Variants in PNPLA6 observed in about 807,000 individuals in gnomAD.
The protein encoded by PNPLA6 is patatin like domain 6, lysophospholipase.
A neutral mutation model predicts 153.7 loss-of-function variants in PNPLA6; 105 were observed. That is an observed-to-expected ratio of 0.68 (90% CI 0.58 to 0.80). The LOEUF (loss-of-function observed/expected upper bound fraction) is 0.80, where lower values mean the gene tolerates loss of function less well. Among genes scored for constraint, PNPLA6 ranks in the 30% least tolerant of loss-of-function variants. The pLI is 0.00. For missense variants in PNPLA6, 1,423 were observed against 1,919.3 expected (o/e 0.74, Z 4.83); for synonymous variants, 825 against 822.2 (o/e 1.00, Z -0.06).
rs1286930437 is a variant in PNPLA6 at position 7,540,512 on chromosome 19, TTGG to T, written c.715-114_715-112del. On this transcript the variant is annotated intron_variant, in intron 5 of 31. Coordinates refer to ENST00000600737, the MANE Select transcript of PNPLA6 (RefSeq NM_001166114.2). The surrounding 1 kb of genome is among the most constrained non-coding windows in gnomAD (Gnocchi z 6.8). Reference sequence around the variant, plus strand: ...GGGAGATGCCTGCTCGTTGGAAGGGTTGGTGGGTTCCCCTGAGAAGGGATGAGA... The same window carrying T: ...GGGAGATGCCTGCTCGTTGGAAGGGTTGGGTTCCCCTGAGAAGGGATGAGA... 2 of 1,036,804 alleles carry T rather than the reference TTGG, an allele frequency of 1.9e-6. No individual in the cohort carries two copies. Among genetic ancestry groups the T allele is most frequent in the Non-Finnish European group, 3.0e-6 (2 of 663,786 alleles). 64.2% of individuals were successfully genotyped at this position (1,036,804 alleles called of 1,614,324 possible). A position where few individuals can be genotyped will look rare whatever the true frequency, so the allele number is the denominator to read the frequency against.
At chr19:7,560,879 C>T in intron 29 of PNPLA6, 115 bp downstream of exon 29, 4 of 850,324 alleles carry the variant, frequency 4.7e-6, no homozygotes, top group South Asian at 2.8e-5. Context: ...TTTTGCTGAG[C>T]TCTCAGACCT....
upstream of PNPLA6, chr19:7,535,617 G>A (rs1303081465): frequency 8.8e-6 from 14 of 1,588,298 alleles, no homozygotes; most frequent in African/African-American, 4.0e-5. The surrounding 1 kb of genome is among the most constrained non-coding windows in gnomAD (Gnocchi z 5.0). Context: ...GCCGGCGTGG[G>A]GCGCCAAGAG....
intron 28 of PNPLA6, 43 bp from the exon 29 acceptor site, chr19:7,560,605 A>C: frequency 3.0e-6 from 4 of 1,338,120 alleles, no homozygotes; most frequent in Non-Finnish European, 4.3e-6. Flanking sequence ...GGGACAAGCA[A>C]AGCAGGGTTG....
rs1397627535 is a variant in PNPLA6 at position 7,551,781 on chromosome 19, TGAGA to T, written c.2260+347_2260+350del. On this transcript the variant is annotated intron_variant, in intron 18 of 31. Transcript: ENST00000600737. ...CTGGGGAAGTCCACGGCCTGGACGT[TGAGA>T]GAAAGGGAGTCCTAGATCAGAATAT... Among the ~76,000 whole-genome samples, 3 of 152,146 alleles carry T rather than the reference TGAGA, an allele frequency of 2.0e-5. No individual in the cohort carries two copies. The East Asian group carries it at 5.8e-4, about 29-fold the overall frequency.
At position 7,561,119 on chromosome 19, in the gene PNPLA6, C is replaced by T. The variant is rs745997576; in HGVS notation, c.3913+9C>T. On this transcript the variant is annotated intron_variant, in intron 30 of 31. Transcript: ENST00000600737. Reference sequence around the variant, plus strand: ...TGATGGCTGTGCTGACGGTGAGGGGCCCAGGGGACCCCCCAAGAGGGAGGG... The same window carrying T: ...TGATGGCTGTGCTGACGGTGAGGGGTCCAGGGGACCCCCCAAGAGGGAGGG... The T allele has an allele frequency of 1.3e-6, 2 of 1,550,654 alleles. No individual in the cohort carries two copies. Among genetic ancestry groups the T allele is most frequent in the Admixed American group, 1.8e-5 (1 of 55,222 alleles).
chr19:7,557,783 C>CA lies in PNPLA6; in HGVS notation c.3397+514dup, dbSNP rs1555751198. 4.4e-3 allele frequency among the ~76,000 whole-genome samples: 487 copies of CA among 110,512 alleles called. 4 individuals are homozygous for CA. Among genetic ancestry groups the CA allele is most frequent in the East Asian group, 0.043 (174 of 4,072 alleles). 72.5% of individuals were successfully genotyped at this position (110,512 alleles called of 152,430 possible). On this transcript the variant is annotated intron_variant, in intron 27 of 31. Transcript: ENST00000600737. ...TGGGCGACAGAGCAAGACTCAGTCT[C>CA]AAAAAAAAAAAAAAAGAAAGAAAGA...
Position 7,541,876 on chromosome 19 carries a change from G to A in PNPLA6, c.1169-108G>A. On this transcript the variant is annotated intron_variant, in intron 9 of 31. Transcript: ENST00000600737. This position sits in a 1 kb window ranked among gnomAD's most constrained non-coding sequence, Gnocchi z 5.2. ...GTGGCCTCGTCCCCAAGGGCCCATT[G>A]GAATTGCTTTAACTAGTTAATCAGT... 8.7e-7 allele frequency: 1 copy of A among 1,154,286 alleles called. No homozygotes were observed. The highest frequency in any genetic ancestry group is 1.3e-6 in the Non-Finnish European group (1 of 777,704). 71.5% of individuals were successfully genotyped at this position (1,154,286 alleles called of 1,614,324 possible). A position where few individuals can be genotyped will look rare whatever the true frequency, so the allele number is the denominator to read the frequency against.
Position 7,536,444 on chromosome 19 carries a change from C to G in PNPLA6, c.316-5C>G, listed in dbSNP as rs779119665. 1.2e-6 allele frequency: 2 copies of G among 1,603,808 alleles called. No homozygotes were observed. Among genetic ancestry groups the G allele is most frequent in the South Asian group, 1.1e-5 (1 of 90,900 alleles). The stretch of plus-strand genomic sequence containing the variant: ...ATTCACCCATCTCCGCCTTCATTCT[C>G]CCAGGTGTCACAATCCACCTCCTCC... On this transcript the variant is annotated splice_polypyrimidine_tract_variant and splice_region_variant and intron_variant, in intron 2 of 31. Coordinates refer to ENST00000600737, the MANE Select transcript of PNPLA6 (RefSeq NM_001166114.2).
chr19:7,535,288 G>A (rs1040730981), upstream of PNPLA6: 3 of 597,724 alleles, frequency 5.0e-6, no homozygotes, highest in Non-Finnish European at 9.0e-6. The surrounding 1 kb of genome is among the most constrained non-coding windows in gnomAD (Gnocchi z 5.0). Context: ...AAGGGAGCAG[G>A]AAGCCGGGGA....
chr19:7,556,618 C>G, intron 25 of PNPLA6, 37 bp from the exon 26 acceptor site: 1 of 1,570,180 alleles, frequency 6.4e-7, no homozygotes, highest in Non-Finnish European at 8.8e-7. Flanking sequence ...CGGAGGAGCC[C>G]CCTGCTCCTC....
Position 7,556,666 on chromosome 19 carries a change from G to T in PNPLA6, c.3222G>T (p.Leu1074=), listed in dbSNP as rs2023893062. Residue 1074 remains leucine (L), a synonymous_variant, in exon 26 of 32, where the codon CTG becomes CTT. Coordinates refer to ENST00000600737, the MANE Select transcript of PNPLA6 (RefSeq NM_001166114.2). ...FQDKQIEDLW[L]PYFNVTTDIT... is the part of the protein sequence containing the mutation. ...CCCTGTCCCCGCAGGACCTGTGGCT[G>T]CCTTACTTCAACGTGACCACAGATA... 5.0e-6 allele frequency: 8 copies of T among 1,613,414 alleles called. No homozygotes were observed. The highest frequency in any genetic ancestry group is 6.8e-6 in the Non-Finnish European group (8 of 1,179,614).
rs766110451 is a variant in PNPLA6, at chr19:7,561,566, C to T, written c.*4C>T. 10 of 1,591,054 alleles carry T rather than the reference C, an allele frequency of 6.3e-6. No homozygotes were observed. Among genetic ancestry groups the T allele is most frequent in the South Asian group, 2.3e-5 (2 of 88,118 alleles). On this transcript the variant is annotated 3_prime_UTR_variant, in exon 32 of 32. Coordinates refer to ENST00000600737, the MANE Select transcript of PNPLA6 (RefSeq NM_001166114.2). The stretch of plus-strand genomic sequence containing the variant: ...CGGCTCAGCCACAGATGCCTGAGGA[C>T]CTCGACAGGGGTCACCCCCTCCCTC...
intron 3 of PNPLA6, among the ~76,000 whole-genome samples, chr19:7,537,646 T>G (rs2022938591): frequency 1.3e-5 from 2 of 152,142 alleles, no homozygotes; most frequent in African/African-American, 4.8e-5. Context: ...TTTGTTTGTT[T>G]GTTTGTTTGT....
chr19:7,550,420 C>G lies in PNPLA6; in HGVS notation c.1937C>G (p.Ala646Gly), dbSNP rs1375273299. 2 of 1,611,310 alleles carry G rather than the reference C, an allele frequency of 1.2e-6. No individual in the cohort carries two copies. The highest frequency in any genetic ancestry group is 1.3e-5 in the African/African-American group (1 of 75,026). ...TGGACTGCAGTGGAGGCGGGACGCG[C>G]GCTGTACAGGTGCAGCTCCCACCGC... ...IDWTAVEAGR[A>G]LYRQGDRSDC... The change falls in exon 15 of 32, where the codon GCG (alanine) becomes GGG (glycine). Residue 646 changes from alanine to glycine, a missense_variant. Around this residue, in one of 10 missense-constraint regions of PNPLA6, gnomAD observed 63 missense variants for 166.2 expected, o/e 0.38. Coordinates refer to ENST00000600737, the MANE Select transcript of PNPLA6 (RefSeq NM_001166114.2).
In PNPLA6 at chr19:7,541,152, T is replaced by C. The variant is rs2023118903; in HGVS notation, c.924+101T>C. 2.2e-6 allele frequency: 3 copies of C among 1,393,472 alleles called. No individual in the cohort carries two copies. In the East Asian group the frequency reaches 7.4e-5, roughly 34 times the overall value. The allele number at this position is 1,393,472 out of a possible 1,614,324, so 86.3% of individuals were successfully genotyped here. On this transcript the variant is annotated intron_variant, in intron 7 of 31. Coordinates refer to ENST00000600737, the MANE Select transcript of PNPLA6 (RefSeq NM_001166114.2). This position sits in a 1 kb window ranked among gnomAD's most constrained non-coding sequence, Gnocchi z 5.2. ...CCGAGGCCCAGCAGCCAGCAGGCGC[T>C]GGAGCTGTGGTTATCGGCCTGGAGC...
Position 7,551,560 on chromosome 19 carries a change from C to T in PNPLA6, c.2260+123C>T, listed in dbSNP as rs1007980085. ...GGAGTTCCGCGAAGAAATCGTGCCC[C>T]TGAGGGTTTCAAACCCTAAGTAGGA... On this transcript the variant is annotated intron_variant, in intron 18 of 31. Coordinates refer to ENST00000600737, the MANE Select transcript of PNPLA6 (RefSeq NM_001166114.2). 7 of 862,914 alleles carry T rather than the reference C, an allele frequency of 8.1e-6. No individual in the cohort carries two copies. The African/African-American group carries it at 1.2e-4, about 14-fold the overall frequency. The allele number at this position is 862,914 out of a possible 1,614,324, so 53.5% of individuals were successfully genotyped here.
At chr19:7,557,023 T>C (rs2023909876) in intron 26 of PNPLA6, 145 bp from the exon 27 acceptor site, 2 of 798,116 alleles carry the variant, frequency 2.5e-6, no homozygotes, top group Admixed American at 3.5e-5. Flanking sequence ...CTGCCCCCAC[T>C]GTGCGACCCC....
At position 7,558,846 on chromosome 19, in the gene PNPLA6, A is replaced by T. The variant is rs1157406762; in HGVS notation, c.3398-4A>T. ...GCAGCCCGCTGACCCCCCTGGCCCC[A>T]CAGCGGACATCGCCCGCAGCATGGG... On this transcript the variant is annotated splice_region_variant and splice_polypyrimidine_tract_variant and intron_variant, in intron 27 of 31. Transcript: ENST00000600737. 2 of 1,604,570 alleles carry T rather than the reference A, an allele frequency of 1.2e-6. No homozygotes were observed. The highest frequency in any genetic ancestry group is 3.4e-5 in the Admixed American group (2 of 59,632).
rs184263240 is a variant in PNPLA6, at chr19:7,539,049, A to T, written c.414-869A>T. On this transcript the variant is annotated intron_variant, in intron 3 of 31. Coordinates refer to ENST00000600737, the MANE Select transcript of PNPLA6 (RefSeq NM_001166114.2). The stretch of plus-strand genomic sequence containing the variant: ...ATAGGGTTTTTCCATAAAGGGCCAG[A>T]TAGTAAATGTTTCAGGCTTTGCTGG... 2.1e-4 allele frequency among the ~76,000 whole-genome samples: 32 copies of T among 152,336 alleles called. 1 individual carries two copies. The highest frequency in any genetic ancestry group is 7.5e-4 in the African/African-American group (31 of 41,576).
Sources: allele counts gnomAD v4.1 joint callset (sites outside exome capture counted in the v4.1 genomes callset), GRCh38; gene constraint gnomAD v4.1.1; regional missense constraint gnomAD v4.1.1; non-coding constraint Gnocchi (gnomAD v3.1); transcripts MANE v1.5; gene names NCBI Gene and HGNC (gene_info 2026-07-23, HGNC 2026-07-21).